The following ATE1 variants were observed in gnomAD, a reference collection of about 807,000 sequenced individuals.
ATE1 encodes the protein arginyl-tRNA--protein transferase 1.
In ATE1, 36 loss-of-function variants were observed where a neutral mutation model predicts 70.5. The ratio of observed to expected loss-of-function variants is 0.51; its 90% CI spans 0.39 to 0.67. The LOEUF is 0.67. Ranked by LOEUF, ATE1 falls within the 30% of genes least tolerant of loss-of-function variation. ATE1 has a pLI of 0.00. For synonymous variants in ATE1, 232 were observed against 219.3 expected (o/e 1.06, Z -0.51); for missense variants, 593 against 629.5 (o/e 0.94, Z 0.62).
intron 7 of ATE1, among the ~76,000 whole-genome samples, chr10:121,884,447 G>A (rs1438174685): frequency 6.6e-6 from 1 of 152,096 alleles, no homozygotes; most frequent in East Asian, 1.9e-4. Context: ...AAAAAGGCCA[G>A]GTGTGGTGGC....
intron 8 of ATE1, among the ~76,000 whole-genome samples, chr10:121,862,376 G>A (rs898382931): frequency 6.6e-6 from 1 of 151,924 alleles, no homozygotes; most frequent in East Asian, 1.9e-4. Flanking sequence ...AGATGGTTAG[G>A]TTCCTATGGT....
At chr10:121,924,202 G>C (rs1240188436) in intron 2 of ATE1, 64 bp downstream of exon 2, 2 of 1,449,748 alleles carry the variant, frequency 1.4e-6, no homozygotes, top group East Asian at 4.6e-5. Flanking sequence ...CATTTCAAAG[G>C]CATGCTGTAT....
intron 10 of ATE1, 109 bp from the exon 11 acceptor site, chr10:121,790,398 C>A (rs1946386493): frequency 1.4e-6 from 2 of 1,379,764 alleles, no homozygotes; most frequent in South Asian, 1.5e-5. Flanking sequence ...AAAAGTCAAC[C>A]AGAAACTGTT....
intron 11 of ATE1, among the ~76,000 whole-genome samples, chr10:121,788,212 C>G (rs548485764): frequency 1.6e-4 from 25 of 152,234 alleles, no homozygotes; most frequent in African/African-American, 5.8e-4. Context: ...GAGCCTGACT[C>G]CAAAATTGAT....
At chr10:121,803,069 A>G (rs1946955114) in intron 10 of ATE1, among the ~76,000 whole-genome samples, 1 of 152,094 alleles carries the variant, frequency 6.6e-6, no homozygotes, top group Non-Finnish European at 1.5e-5. Flanking sequence ...AATACAATCT[A>G]TTGGAGTTGT....
intron 9 of ATE1, among the ~76,000 whole-genome samples, chr10:121,839,930 C>T (rs541247397): frequency 3.3e-5 from 5 of 152,134 alleles, no homozygotes; most frequent in South Asian, 2.1e-4. Flanking sequence ...TTTACTGTGA[C>T]GTGAAAACGT....
intron 10 of ATE1, among the ~76,000 whole-genome samples, chr10:121,804,233 T>C (rs1947005398): frequency 6.6e-6 from 1 of 152,244 alleles, no homozygotes; most frequent in African/African-American, 2.4e-5. Context: ...GAAAGTATTA[T>C]GTTACAAACA....
intron 10 of ATE1, among the ~76,000 whole-genome samples, chr10:121,831,020 G>A (rs950654004): frequency 4.6e-5 from 7 of 152,096 alleles, no homozygotes; most frequent in Admixed American, 2.0e-4. Context: ...GGGGACTTGG[G>A]AATGAAACAC....
At chr10:121,749,510 T>C (rs370579432) in intron 11 of ATE1, among the ~76,000 whole-genome samples, 6 of 152,166 alleles carry the variant, frequency 3.9e-5, no homozygotes, top group African/African-American at 1.2e-4. Context: ...CATACAGTGA[T>C]AGAAACAAAG....
At chr10:121,897,171 T>G (rs1950813175) in intron 7 of ATE1, among the ~76,000 whole-genome samples, 2 of 152,200 alleles carry the variant, frequency 1.3e-5, no homozygotes, top group South Asian at 4.1e-4. Context: ...CAATTCAGAC[T>G]ATGAATGCCT....
intron 11 of ATE1, among the ~76,000 whole-genome samples, chr10:121,777,865 A>C (rs1945812744): frequency 6.6e-6 from 1 of 152,196 alleles, no homozygotes. Context: ...TGAATACATT[A>C]AGTTTGTAAA....
chr10:121,837,613 T>C (rs568669323), intron 9 of ATE1, among the ~76,000 whole-genome samples: 9 of 152,346 alleles, frequency 5.9e-5, no homozygotes, highest in Admixed American at 1.3e-4. Flanking sequence ...TTAGTAGCAA[T>C]TGATGCTTGA....
chr10:121,808,153 C>G (rs1052829362), intron 10 of ATE1, among the ~76,000 whole-genome samples: 4 of 152,206 alleles, frequency 2.6e-5, no homozygotes, highest in Non-Finnish European at 5.9e-5. Context: ...TTATTTAAAA[C>G]TCCTCTATTA....
At chr10:121,774,841 CA>C (rs1384173785) in intron 11 of ATE1, among the ~76,000 whole-genome samples, 11 of 113,506 alleles carry the variant, frequency 9.7e-5, no homozygotes, top group African/African-American at 3.2e-5. Flanking sequence ...TGACCCCCCC[CA>C]AAAAAATGAA....
intron 7 of ATE1, among the ~76,000 whole-genome samples, chr10:121,888,858 T>C (rs1950492001): frequency 6.6e-6 from 1 of 152,136 alleles, no homozygotes; most frequent in African/African-American, 2.4e-5. Context: ...TACCATAATG[T>C]TGGGCAAATG....
chr10:121,864,692 G>C (rs1949599832), intron 8 of ATE1, among the ~76,000 whole-genome samples: 1 of 151,954 alleles, frequency 6.6e-6, no homozygotes. Flanking sequence ...GTCTTTTGTT[G>C]GACTGAAACA....
At chr10:121,917,680 T>C (rs1350221455) in intron 3 of ATE1, among the ~76,000 whole-genome samples, 2 of 152,050 alleles carry the variant, frequency 1.3e-5, no homozygotes, top group Non-Finnish European at 2.9e-5. Flanking sequence ...TATAAGCATG[T>C]TGCTTAAAGA....
At chr10:121,843,639 T>C (rs1370694376) in intron 8 of ATE1, among the ~76,000 whole-genome samples, 1 of 151,982 alleles carries the variant, frequency 6.6e-6, no homozygotes, top group African/African-American at 2.4e-5. Flanking sequence ...TATAGTCAAA[T>C]GACCTTTGAC....
At chr10:121,751,077 C>A (rs77056766) in intron 11 of ATE1, among the ~76,000 whole-genome samples, 1,563 of 152,284 alleles carry the variant, frequency 0.01, 11 homozygotes, top group African/African-American at 0.027. Flanking sequence ...TAACAAGGCT[C>A]CCAGCCCATT....
Sources: gnomAD v4.1 joint callset for allele counts (sites outside exome capture counted in the v4.1 genomes callset) on GRCh38, gnomAD v4.1.1 for gene constraint, MANE v1.5 for transcripts, NCBI Gene and HGNC (gene_info 2026-07-23, HGNC 2026-07-21) for gene names.